Variants in DLG2 observed in about 807,000 individuals in gnomAD.
The protein encoded by DLG2 is discs large MAGUK scaffold protein 2, also known as disks large homolog 2.
In DLG2, 45 loss-of-function variants were observed where a neutral mutation model predicts 132.5. That is an observed-to-expected ratio of 0.34 (90% confidence interval 0.27 to 0.44). The LOEUF (loss-of-function observed/expected upper bound fraction) is 0.44. Among genes scored for constraint, DLG2 ranks in the 20% least tolerant of loss-of-function variants. The pLI, the probability that DLG2 is intolerant of heterozygous loss-of-function variation, is 1.00. For missense variants in DLG2, 1,045 were observed against 1,196.9 expected (o/e 0.87, Z 1.87); for synonymous variants, 424 against 419.6 (o/e 1.01, Z -0.13).
At chr11:84,884,419 T>C (rs1311153976) in intron 6 of DLG2, among the ~76,000 whole-genome samples, 1 of 152,120 alleles carries the variant, frequency 6.6e-6, no homozygotes, top group African/African-American at 2.4e-5. Flanking sequence ...GGTGATATGC[T>C]ACTTGAATTC....
At chr11:85,375,831 C>T (rs1196676918) in intron 3 of DLG2, among the ~76,000 whole-genome samples, 2 of 152,178 alleles carry the variant, frequency 1.3e-5, no homozygotes, top group African/African-American at 2.4e-5. Flanking sequence ...TATGACAATA[C>T]AATTTGCATT....
chr11:84,503,655 G>C (rs1029096157), intron 7 of DLG2, among the ~76,000 whole-genome samples: 6 of 152,138 alleles, frequency 3.9e-5, no homozygotes, highest in Non-Finnish European at 8.8e-5. Context: ...TCCAGCTCCA[G>C]GGCTAGATTG....
intron 6 of DLG2, among the ~76,000 whole-genome samples, chr11:84,647,474 G>T (rs2099676390): frequency 6.6e-6 from 1 of 152,170 alleles, no homozygotes; most frequent in Admixed American, 6.5e-5. Context: ...TATTTCAATA[G>T]ATCAGTGCGG....
At chr11:85,496,629 T>C (rs865849376) in intron 3 of DLG2, among the ~76,000 whole-genome samples, 2 of 152,194 alleles carry the variant, frequency 1.3e-5, no homozygotes, top group Non-Finnish European at 1.5e-5. Context: ...AGTGGGTCCC[T>C]GATCCCCATG....
At chr11:85,285,910 T>C (rs530865098) in intron 3 of DLG2, among the ~76,000 whole-genome samples, 2 of 151,910 alleles carry the variant, frequency 1.3e-5, no homozygotes, top group African/African-American at 4.8e-5. Flanking sequence ...ACATGAACCA[T>C]TTGTCAAAAC....
chr11:84,929,317 A>C (rs2047826930), intron 6 of DLG2, among the ~76,000 whole-genome samples: 1 of 151,906 alleles, frequency 6.6e-6, no homozygotes, highest in Non-Finnish European at 1.5e-5. Context: ...TCTTTTATAT[A>C]TAAATATGTT....
chr11:85,612,045 A>G (rs565333899), intron 2 of DLG2, among the ~76,000 whole-genome samples: 1 of 152,372 alleles, frequency 6.6e-6, no homozygotes, highest in African/African-American at 2.4e-5. Flanking sequence ...AGGAAGATAC[A>G]AAGGAGTCAA....
At chr11:84,293,244 G>C (rs2098033253) in intron 7 of DLG2, among the ~76,000 whole-genome samples, 1 of 152,046 alleles carries the variant, frequency 6.6e-6, no homozygotes, top group Non-Finnish European at 1.5e-5. Flanking sequence ...CCAGTTAAAA[G>C]GCAGTTCTAA....
At chr11:85,501,385 A>C (rs1054828914) in intron 3 of DLG2, among the ~76,000 whole-genome samples, 1 of 152,240 alleles carries the variant, frequency 6.6e-6, no homozygotes, top group African/African-American at 2.4e-5. Flanking sequence ...TAAAACACCA[A>C]AAGCAATGGC....
chr11:83,984,768 T>C (rs2154177527), intron 11 of DLG2, among the ~76,000 whole-genome samples: 1 of 152,312 alleles, frequency 6.6e-6, no homozygotes, highest in Non-Finnish European at 1.5e-5. Context: ...GTATACAATG[T>C]GTAATGATCA....
chr11:84,219,827 C>T (rs2096889411), intron 8 of DLG2, among the ~76,000 whole-genome samples: 1 of 152,190 alleles, frequency 6.6e-6, no homozygotes, highest in South Asian at 2.1e-4. Flanking sequence ...TGTAATCATT[C>T]ACTCATTTTA....
At chr11:84,208,250 C>T (rs1323779371) in intron 8 of DLG2, among the ~76,000 whole-genome samples, 4 of 152,008 alleles carry the variant, frequency 2.6e-5, no homozygotes, top group African/African-American at 9.7e-5. Flanking sequence ...TAAAACCAAA[C>T]TGTAACACAA....
At chr11:83,938,229 G>A (rs2081930386) in intron 14 of DLG2, among the ~76,000 whole-genome samples, 1 of 152,094 alleles carries the variant, frequency 6.6e-6, no homozygotes, top group African/African-American at 2.4e-5. Context: ...TTGTATATGG[G>A]GCTGTGGGGA....
intron 18 of DLG2, among the ~76,000 whole-genome samples, chr11:83,718,939 A>T (rs1298155816): frequency 6.6e-6 from 1 of 152,186 alleles, no homozygotes; most frequent in Admixed American, 6.5e-5. Context: ...TTTTGATCTC[A>T]GATTCCAGCA....
chr11:83,594,390 T>C (rs1023744053), intron 19 of DLG2, among the ~76,000 whole-genome samples: 1 of 152,258 alleles, frequency 6.6e-6, no homozygotes, highest in Non-Finnish European at 1.5e-5. Flanking sequence ...TTAAGAAATA[T>C]GTTGCATCAT....
At chr11:84,968,560 T>C (rs1022566232) in intron 6 of DLG2, among the ~76,000 whole-genome samples, 1 of 152,210 alleles carries the variant, frequency 6.6e-6, no homozygotes, top group African/African-American at 2.4e-5. Flanking sequence ...TATTTTAGTT[T>C]CTGTACTTCT....
intron 5 of DLG2, among the ~76,000 whole-genome samples, chr11:85,122,301 A>C (rs2074415497): frequency 6.6e-6 from 1 of 152,256 alleles, no homozygotes; most frequent in African/African-American, 2.4e-5. Context: ...AAGTACTTAA[A>C]GAGAAATCCG....
chr11:85,379,924 G>A (rs576923110), intron 3 of DLG2, among the ~76,000 whole-genome samples: 56 of 151,990 alleles, frequency 3.7e-4, no homozygotes, highest in Admixed American at 3.0e-3. Flanking sequence ...AAAATGTCAC[G>A]TTTTCTTATT....
At chr11:84,661,014 T>C (rs1351139428) in intron 6 of DLG2, among the ~76,000 whole-genome samples, 2 of 152,170 alleles carry the variant, frequency 1.3e-5, no homozygotes, top group Non-Finnish European at 2.9e-5. Context: ...ATTCAAGCAG[T>C]GATGATTAAT....
Sources: gnomAD v4.1 joint callset for allele counts (sites outside exome capture counted in the v4.1 genomes callset) on GRCh38, gnomAD v4.1.1 for gene constraint, MANE v1.5 for transcripts, NCBI Gene and HGNC (gene_info 2026-07-23, HGNC 2026-07-21) for gene names.